The following NKAIN2 variants were observed in gnomAD, a reference collection of about 807,000 sequenced individuals.
The protein encoded by NKAIN2 is sodium/potassium-transporting ATPase subunit beta-1-interacting protein 2.
NKAIN2 carries 14 observed loss-of-function variants against 32.6 expected under a neutral mutation model. The observed-to-expected ratio is 0.43, with a 90% CI of 0.28 to 0.67. The LOEUF is 0.67. NKAIN2 is among the 30% of genes least tolerant of loss of function. The probability of loss-of-function intolerance (pLI) is 0.17; values close to 1 mark genes in which losing one functional copy is unlikely to be tolerated. For missense variants in NKAIN2, 198 were observed against 258.3 expected (o/e 0.77, Z 1.60); for synonymous variants, 80 against 87.2 (o/e 0.92, Z 0.46).
intron 1 of NKAIN2, among the ~76,000 whole-genome samples, chr6:123,916,721 T>G (rs982312390): frequency 6.6e-6 from 1 of 151,506 alleles, no homozygotes. Flanking sequence ...AGAATTGAGA[T>G]GTAGATATAT....
rs577456926 is a variant in NKAIN2 at position 123,884,759 on chromosome 6, C to G, written c.54+80505C>G. Among the ~76,000 whole-genome samples the G allele has an allele frequency of 9.2e-5, 14 of 152,116 alleles. No individual in the cohort carries two copies. In the East Asian group the frequency reaches 2.5e-3, roughly 27 times the overall value. ...TGGTCATGATACTAGATAAAACTTT[C>G]ATTCAACATGCTGAGATGACCAAGT... On this transcript the variant is annotated intron_variant, in intron 1 of 6. Coordinates refer to ENST00000368417, the MANE Select transcript of NKAIN2 (RefSeq NM_001040214.3).
At chr6:124,058,291 G>T (rs187044672) in intron 1 of NKAIN2, among the ~76,000 whole-genome samples, 5 of 150,554 alleles carry the variant, frequency 3.3e-5, no homozygotes, top group African/African-American at 9.8e-5. Flanking sequence ...AAAGCAAGAG[G>T]GAGTCATGAG....
At chr6:124,492,404 G>A (rs1242144905) in intron 3 of NKAIN2, among the ~76,000 whole-genome samples, 5 of 151,698 alleles carry the variant, frequency 3.3e-5, no homozygotes, top group Admixed American at 6.6e-5. Flanking sequence ...ATGTTCCTAC[G>A]GTTCAGTTAA....
chr6:124,515,033 T>C (rs1320844345), intron 3 of NKAIN2, among the ~76,000 whole-genome samples: 1 of 152,188 alleles, frequency 6.6e-6, no homozygotes, highest in Non-Finnish European at 1.5e-5. Flanking sequence ...TTTGAGATTT[T>C]CTGTCTAGGA....
intron 5 of NKAIN2, among the ~76,000 whole-genome samples, chr6:124,805,342 A>C (rs1042339668): frequency 3.9e-4 from 59 of 152,124 alleles, no homozygotes; most frequent in Admixed American, 7.2e-4. Context: ...ACAAAAAACC[A>C]CTGTTCTGCA....
At chr6:123,906,378 C>T (rs890252790) in intron 1 of NKAIN2, among the ~76,000 whole-genome samples, 1 of 143,978 alleles carries the variant, frequency 6.9e-6, no homozygotes, top group Non-Finnish European at 1.6e-5. Flanking sequence ...GCGGTCTCGA[C>T]TTCCTGGGCT....
intron 3 of NKAIN2, among the ~76,000 whole-genome samples, chr6:124,368,371 C>T (rs1355106837): frequency 1.3e-5 from 2 of 152,104 alleles, no homozygotes. Flanking sequence ...GCTACAGTTC[C>T]TATGACTCTA....
intron 1 of NKAIN2, among the ~76,000 whole-genome samples, chr6:124,022,347 A>G (rs1050949828): frequency 7.9e-5 from 12 of 152,174 alleles, no homozygotes; most frequent in African/African-American, 1.9e-4. Context: ...TAATGCCACA[A>G]TAAACATACC....
chr6:124,462,345 G>T (rs1776564994), intron 3 of NKAIN2, among the ~76,000 whole-genome samples: 1 of 151,878 alleles, frequency 6.6e-6, no homozygotes, highest in Admixed American at 6.6e-5. Flanking sequence ...TTGTTAATTT[G>T]TTTGAGTTTT....
chr6:124,524,879 A>G (rs1238114301), intron 3 of NKAIN2, among the ~76,000 whole-genome samples: 1 of 152,212 alleles, frequency 6.6e-6, no homozygotes, highest in African/African-American at 2.4e-5. Flanking sequence ...TAAGATGTAA[A>G]GGAACTAGAT....
chr6:124,589,088 A>G (rs1740031308), intron 3 of NKAIN2, among the ~76,000 whole-genome samples: 1 of 152,240 alleles, frequency 6.6e-6, no homozygotes, highest in African/African-American at 2.4e-5. Context: ...CCAGAAAAGT[A>G]TATACTTATA....
intron 1 of NKAIN2, among the ~76,000 whole-genome samples, chr6:123,917,940 C>T (rs1399647666): frequency 6.6e-6 from 1 of 152,030 alleles, no homozygotes; most frequent in African/African-American, 2.4e-5. Context: ...TTTTTGTAAG[C>T]TGGGAGTTAA....
intron 1 of NKAIN2, among the ~76,000 whole-genome samples, chr6:123,945,138 A>C (rs905110208): frequency 2.6e-5 from 4 of 152,106 alleles, no homozygotes; most frequent in Non-Finnish European, 5.9e-5. Context: ...TTTCTTCCCT[A>C]CTTATTAATA....
chr6:124,698,136 G>A (rs1264358995), intron 4 of NKAIN2, among the ~76,000 whole-genome samples: 1 of 152,118 alleles, frequency 6.6e-6, no homozygotes, highest in Admixed American at 6.6e-5. Flanking sequence ...CTTGTCTCAG[G>A]AAGTCCCAGT....
intron 3 of NKAIN2, among the ~76,000 whole-genome samples, chr6:124,644,436 G>A (rs894703532): frequency 7.5e-5 from 11 of 146,298 alleles, no homozygotes; most frequent in Non-Finnish European, 1.5e-4. Flanking sequence ...ACATAGTCTC[G>A]CTCTTTTGCC....
chr6:124,242,726 G>C (rs1361887318), intron 1 of NKAIN2, among the ~76,000 whole-genome samples: 1 of 152,168 alleles, frequency 6.6e-6, no homozygotes, highest in Non-Finnish European at 1.5e-5. Flanking sequence ...AAAAGGATGA[G>C]TTCGTGTCCT....
intron 4 of NKAIN2, among the ~76,000 whole-genome samples, chr6:124,673,002 C>A (rs1293302106): frequency 6.6e-6 from 1 of 152,038 alleles, no homozygotes; most frequent in Non-Finnish European, 1.5e-5. Context: ...TTACATCTTG[C>A]ATGGCTGAAA....
At chr6:124,340,701 C>T (rs12111524) in intron 2 of NKAIN2, among the ~76,000 whole-genome samples, 26,918 of 152,002 alleles carry the variant, frequency 0.18, 2,869 homozygotes, top group African/African-American at 0.3. Context: ...TATTTTTCAC[C>T]AGTTTTTATG....
chr6:124,611,496 T>C (rs1412436893), intron 3 of NKAIN2, among the ~76,000 whole-genome samples: 1 of 152,096 alleles, frequency 6.6e-6, no homozygotes, highest in Non-Finnish European at 1.5e-5. Context: ...CCTGCATGCA[T>C]TAAGTATTTG....
Sources: allele counts gnomAD v4.1 joint callset (sites outside exome capture counted in the v4.1 genomes callset), GRCh38; gene constraint gnomAD v4.1.1; transcripts MANE v1.5; gene names NCBI Gene and HGNC (gene_info 2026-07-23, HGNC 2026-07-21).